PCDH15: variants seen among roughly 807,000 people sequenced by gnomAD.
PCDH15 encodes protocadherin related 15.
PCDH15 carries 129 observed loss-of-function variants against 178.5 expected under a neutral mutation model. That is an observed-to-expected ratio of 0.72 (90% CI 0.63 to 0.84). The LOEUF (loss-of-function observed/expected upper bound fraction) is 0.84, where lower values mean the gene tolerates loss of function less well. Among genes scored for constraint, PCDH15 ranks in the 40% least tolerant of loss-of-function variants. PCDH15 has a pLI of 0.00. For missense variants in PCDH15, 2,230 were observed against 2,099.9 expected (o/e 1.06, Z -1.21); for synonymous variants, 800 against 732.0 (o/e 1.09, Z -1.50).
intron 3 of PCDH15, among the ~76,000 whole-genome samples, chr10:54,388,103 T>G (rs1950130350): frequency 6.6e-6 from 1 of 151,608 alleles, no homozygotes; most frequent in Non-Finnish European, 1.5e-5. Flanking sequence ...AACTGTACAC[T>G]CAGATATGTT....
chr10:55,023,918 T>C (rs1346825782), intron 2 of PCDH15, among the ~76,000 whole-genome samples: 1 of 149,900 alleles, frequency 6.7e-6, no homozygotes, highest in African/African-American at 2.4e-5. Context: ...TGTGTCTGTA[T>C]ACATCTGGAC....
chr10:55,528,334 C>G (rs958425220), intron 2 of PCDH15, among the ~76,000 whole-genome samples: 4 of 151,858 alleles, frequency 2.6e-5, no homozygotes, highest in Admixed American at 2.0e-4. Context: ...CCATTAACTG[C>G]TCATTTACAT....
chr10:55,305,578 A>C (rs1843401566), intron 1 of PCDH15, among the ~76,000 whole-genome samples: 1 of 152,168 alleles, frequency 6.6e-6, no homozygotes. Context: ...CATGTGATTT[A>C]TTTCTTTCCT....
At chr10:54,159,730 C>T (rs2045522761) in intron 13 of PCDH15, among the ~76,000 whole-genome samples, 1 of 151,956 alleles carries the variant, frequency 6.6e-6, no homozygotes, top group East Asian at 1.9e-4. Context: ...AAAGATATTG[C>T]TTGAAAGTGG....
intron 2 of PCDH15, among the ~76,000 whole-genome samples, chr10:55,441,021 G>A (rs1174719651): frequency 1.3e-5 from 2 of 152,122 alleles, no homozygotes; most frequent in East Asian, 3.9e-4. Flanking sequence ...CAACATATGG[G>A]AATTACAGGA....
intron 2 of PCDH15, among the ~76,000 whole-genome samples, chr10:54,565,640 T>A (rs561161482): frequency 6.6e-6 from 1 of 152,160 alleles, no homozygotes. Flanking sequence ...ATGAAAATAT[T>A]TTATTCCTTG....
chr10:53,999,931 C>A (rs1418926176), intron 20 of PCDH15, among the ~76,000 whole-genome samples: 1 of 152,164 alleles, frequency 6.6e-6, no homozygotes, highest in East Asian at 1.9e-4. Context: ...TGACCCACTG[C>A]AGTCCCAGCA....
intron 2 of PCDH15, among the ~76,000 whole-genome samples, chr10:55,117,956 C>A (rs561094803): frequency 6.6e-6 from 1 of 152,094 alleles, no homozygotes; most frequent in Non-Finnish European, 1.5e-5. Context: ...CCTGAAAAGT[C>A]TCCTTCAGTT....
At chr10:55,089,552 G>C (rs1375560085) in intron 2 of PCDH15, among the ~76,000 whole-genome samples, 1 of 151,950 alleles carries the variant, frequency 6.6e-6, no homozygotes, top group Non-Finnish European at 1.5e-5. Context: ...ATTTCCCCAT[G>C]ATTGAGATTT....
rs372780048 is a variant in PCDH15 at position 53,976,453 on chromosome 10, C to A, written c.2869-14561G>T. 7.9e-5 allele frequency among the ~76,000 whole-genome samples: 12 copies of A among 152,208 alleles called. No individual in the cohort carries two copies. The East Asian group carries it at 1.2e-3, about 15-fold the overall frequency. On this transcript the variant is annotated intron_variant, in intron 21 of 37. Coordinates refer to ENST00000644397, the MANE Select transcript of PCDH15 (RefSeq NM_001384140.1). ...ATTGACCTTATCAAACACCAACCTC[C>A]TTCCTACCTCAAGCTTTTCCATTTG...
chr10:55,367,692 GA>G (rs1224571463), intron 2 of PCDH15, among the ~76,000 whole-genome samples: 4 of 152,116 alleles, frequency 2.6e-5, no homozygotes, highest in African/African-American at 7.2e-5. Context: ...GTTGAACACA[GA>G]AGCAAAGGAA....
chr10:55,392,994 T>C (rs1837835815), intron 2 of PCDH15, among the ~76,000 whole-genome samples: 1 of 149,942 alleles, frequency 6.7e-6, no homozygotes. Flanking sequence ...TGTGTGTGTG[T>C]GTGTGTGTGT....
intron 2 of PCDH15, among the ~76,000 whole-genome samples, chr10:55,544,612 G>C (rs528030023): frequency 2.0e-5 from 3 of 152,036 alleles, no homozygotes; most frequent in African/African-American, 7.2e-5. Context: ...TGATGGTGTC[G>C]AGTATGAATT....
intron 29 of PCDH15, among the ~76,000 whole-genome samples, chr10:53,838,729 A>C (rs2077456598): frequency 6.6e-6 from 1 of 152,088 alleles, no homozygotes; most frequent in Admixed American, 6.6e-5. Context: ...TTTATTCCTA[A>C]ACTTTTTAAA....
intron 2 of PCDH15, among the ~76,000 whole-genome samples, chr10:55,479,750 T>C (rs1036852105): frequency 6.6e-6 from 1 of 151,580 alleles, no homozygotes; most frequent in African/African-American, 2.4e-5. Context: ...TTTATATGTA[T>C]AGAATACCCT....
chr10:54,813,947 A>G (rs1171757200), intron 3 of PCDH15, among the ~76,000 whole-genome samples: 1 of 152,182 alleles, frequency 6.6e-6, no homozygotes, highest in African/African-American at 2.4e-5. Flanking sequence ...TCTGAACACT[A>G]TTTAATTAAT....
intron 1 of PCDH15, among the ~76,000 whole-genome samples, chr10:54,734,089 T>TA (rs59865022): frequency 0.12 from 18,433 of 151,378 alleles, 1,250 homozygotes; most frequent in African/African-American, 0.17. Context: ...TTAACACACT[T>TA]AAAAAAATGC....
chr10:55,526,118 T>C (rs189715072), intron 2 of PCDH15, among the ~76,000 whole-genome samples: 1 of 152,102 alleles, frequency 6.6e-6, no homozygotes, highest in Admixed American at 6.6e-5. Flanking sequence ...TAAATTATAA[T>C]GAATGACTGT....
At chr10:54,319,684 T>G (rs1470413349) in intron 7 of PCDH15, among the ~76,000 whole-genome samples, 1 of 151,618 alleles carries the variant, frequency 6.6e-6, no homozygotes, top group Non-Finnish European at 1.5e-5. Flanking sequence ...TGTTAAATAA[T>G]TTTTAAAAGT....
Sources: allele counts gnomAD v4.1 joint callset (sites outside exome capture counted in the v4.1 genomes callset), GRCh38; gene constraint gnomAD v4.1.1; transcripts MANE v1.5; gene names NCBI Gene and HGNC (gene_info 2026-07-23, HGNC 2026-07-21).